The following UMOD variants were observed in gnomAD, a reference collection of about 807,000 sequenced individuals.
UMOD encodes the protein Tamm-Horsfall urinary glycoprotein.
A neutral mutation model predicts 66.0 loss-of-function variants in UMOD; 64 were observed. The ratio of observed to expected loss-of-function variants is 0.97; its 90% CI spans 0.79 to 1.19. The LOEUF (loss-of-function observed/expected upper bound fraction) is 1.19, where lower values mean the gene tolerates loss of function less well. UMOD is among the 50% of genes most tolerant of loss of function. The probability of loss-of-function intolerance (pLI) is 0.00; values close to 1 mark genes in which losing one functional copy is unlikely to be tolerated. For synonymous variants in UMOD, 398 were observed against 352.7 expected (o/e 1.13, Z -1.44); for missense variants, 764 against 850.9 (o/e 0.90, Z 1.27).
In UMOD at chr16:20,333,166, G is replaced by T; in HGVS notation, c.*148C>A. 5 of 844,410 alleles carry T rather than the reference G, an allele frequency of 5.9e-6. No homozygotes were observed. Among genetic ancestry groups the T allele is most frequent in the South Asian group, 1.5e-5 (1 of 68,650 alleles). 52.3% of individuals were successfully genotyped at this position (844,410 alleles called of 1,614,324 possible). A position where few individuals can be genotyped will look rare whatever the true frequency, so the allele number is the denominator to read the frequency against. ...CATTTAAAGACACAGGCTGTTTCTC[G>T]ACAGCCAGGATTAAAAGGGAGAAAA... is the stretch of plus-strand genomic sequence containing the variant. On this transcript the variant is annotated 3_prime_UTR_variant, in exon 11 of 11. Coordinates refer to ENST00000396138, the MANE Select transcript of UMOD (RefSeq NM_003361.4).
At chr16:20,340,995 A>C (rs1483269521) in intron 7 of UMOD, 96 bp downstream of exon 7, 2 of 1,141,344 alleles carry the variant, frequency 1.8e-6, no homozygotes, top group African/African-American at 1.6e-5. Context: ...CTCTGTCAAA[A>C]AAAAAAAAAA....
chr16:20,344,289 T>C (rs1288127437), intron 5 of UMOD, 117 bp from the exon 6 acceptor site: 2 of 999,500 alleles, frequency 2.0e-6, no homozygotes, highest in South Asian at 1.4e-5. Flanking sequence ...TGTGAGCCGC[T>C]CTCCTAGTCT....
intron 2 of UMOD, 95 bp downstream of exon 2, chr16:20,350,555 A>G: frequency 1.4e-6 from 2 of 1,469,048 alleles, no homozygotes. Context: ...AGGAGGATTG[A>G]GATCACCTCT....
chr16:20,355,959 AC>A (rs1334665713), upstream of UMOD, among the ~76,000 whole-genome samples: 1 of 152,218 alleles, frequency 6.6e-6, no homozygotes, highest in Non-Finnish European at 1.5e-5. Context: ...ACTCAGATTT[AC>A]CTGCATTCCT....
chr16:20,338,661 T>G (rs1965016212), intron 7 of UMOD, among the ~76,000 whole-genome samples: 1 of 151,712 alleles, frequency 6.6e-6, no homozygotes, highest in Non-Finnish European at 1.5e-5. Flanking sequence ...GCCTGGCTAA[T>G]TCTTGTATTT....
intron 5 of UMOD, among the ~76,000 whole-genome samples, chr16:20,345,502 C>CCCTCCCTTCCTCCCTT (rs1338369108): frequency 1.1e-4 from 6 of 53,052 alleles, no homozygotes; most frequent in African/African-American, 4.9e-4. Flanking sequence ...CTCCCTCCCT[C>CCCTCCCTTCCTCCCTT]CCTTCCTTCC....
In UMOD at chr16:20,346,258, CTT is replaced by C. The variant is rs1965581004; in HGVS notation, c.1048_1049del (p.Lys350GlufsTer13). 2 of 1,614,158 alleles carry C rather than the reference CTT, an allele frequency of 1.2e-6. No homozygotes were observed. The highest frequency in any genetic ancestry group is 1.7e-6 in the Non-Finnish European group (2 of 1,180,064). Reference sequence around the variant, plus strand: ...TGAAGACCTTGTCGAAGCCCAGACTCTTCAGCTGGCACTTGCCCAGCGACACC... The same window carrying C: ...TGAAGACCTTGTCGAAGCCCAGACTCCAGCTGGCACTTGCCCAGCGACACC... ...MKVSLGKCQL[K>X]SLGFDKVFMY... On this transcript the variant is annotated frameshift_variant, in exon 5 of 11. Transcript: ENST00000396138. LOFTEE classifies it high-confidence loss of function.
upstream of UMOD, among the ~76,000 whole-genome samples, chr16:20,355,205 T>A (rs1012858781): frequency 6.6e-6 from 1 of 152,142 alleles, no homozygotes; most frequent in Non-Finnish European, 1.5e-5. Flanking sequence ...TCTGTGAGTA[T>A]AACAAGTTGT....
intron 1 of UMOD, among the ~76,000 whole-genome samples, chr16:20,352,021 C>CCA (rs1491517884): frequency 1.2e-4 from 15 of 122,990 alleles, no homozygotes; most frequent in East Asian, 6.9e-4. Flanking sequence ...CCCCCCCCCC[C>CCA]AAAAAAAAAA....
intron 1 of UMOD, among the ~76,000 whole-genome samples, chr16:20,352,017 C>G (rs151007505): frequency 4.3e-5 from 6 of 141,010 alleles, no homozygotes; most frequent in Admixed American, 2.1e-4. Flanking sequence ...CCATCCCCCC[C>G]CCCCAAAAAA....
chr16:20,336,696 C>T lies in UMOD; in HGVS notation c.1772G>A (p.Ser591Asn), dbSNP rs138994270. 1.2e-6 allele frequency: 2 copies of T among 1,614,174 alleles called. No homozygotes were observed. The highest frequency in any genetic ancestry group is 2.7e-5 in the African/African-American group (2 of 75,060). Residue 591 changes from serine to asparagine, a missense_variant, in exon 9 of 11, where the codon AGT becomes AAT. By Grantham distance (46) the Ser-to-Asn change is conservative. Coordinates refer to ENST00000396138, the MANE Select transcript of UMOD (RefSeq NM_003361.4). ...TCSGTRFRSG[S>N]VIDQSRVLNL... ...CAGGACACGGGATTGATCTATGACACTCCCACTTCGGAATCTGGTCCCAGA... is the reference window on the plus strand; with the variant it reads ...CAGGACACGGGATTGATCTATGACATTCCCACTTCGGAATCTGGTCCCAGA...
At chr16:20,345,506 T>TTCCCTCCCTCCCTCCCTC (rs1965526894) in intron 5 of UMOD, among the ~76,000 whole-genome samples, 1 of 29,514 alleles carries the variant, frequency 3.4e-5, no homozygotes, top group Non-Finnish European at 7.0e-5. Context: ...CTCCCTCCCT[T>TTCCCTCCCTCCCTCCCTC]CCTTCCTTCC....
rs577397382 is a variant in UMOD, at chr16:20,338,694, A to G, written c.1578-1241T>C. On this transcript the variant is annotated intron_variant, in intron 7 of 10. Coordinates refer to ENST00000396138, the MANE Select transcript of UMOD (RefSeq NM_003361.4). ...TTTTTAGTACAGACAGGGTTTCACCATGTTGACCAGGCTGGTCTCGAACTC... is the reference window on the plus strand; with the variant it reads ...TTTTTAGTACAGACAGGGTTTCACCGTGTTGACCAGGCTGGTCTCGAACTC... Among the ~76,000 whole-genome samples the G allele has an allele frequency of 5.9e-4, 89 of 152,052 alleles. 1 individual carries two copies. Among genetic ancestry groups the G allele is most frequent in the African/African-American group, 2.0e-3 (83 of 41,458 alleles).
intron 8 of UMOD, 51 bp from the exon 9 acceptor site, chr16:20,336,778 T>C (rs1964897893): frequency 2.6e-6 from 4 of 1,563,918 alleles, no homozygotes; most frequent in Non-Finnish European, 3.5e-6. Context: ...AGCCTGAATG[T>C]GGTTCTGCCA....
At chr16:20,343,919 C>T in intron 6 of UMOD, 105 bp downstream of exon 6, 1 of 1,408,786 alleles carries the variant, frequency 7.1e-7, no homozygotes, top group East Asian at 2.3e-5. Context: ...GATTCCCAGC[C>T]CTCACTCCCA....
chr16:20,342,123 T>C (rs946974465), intron 6 of UMOD, among the ~76,000 whole-genome samples: 4 of 152,158 alleles, frequency 2.6e-5, no homozygotes, highest in Non-Finnish European at 5.9e-5. Context: ...CGCAGGAGGA[T>C]CATTTGAGGC....
upstream of UMOD, among the ~76,000 whole-genome samples, chr16:20,355,575 C>G (rs939707830): frequency 4.1e-5 from 6 of 147,826 alleles, no homozygotes; most frequent in African/African-American, 7.9e-5. Context: ...CCACCATGCC[C>G]GGCTAATTTG....
chr16:20,349,309 A>G, intron 2 of UMOD, 97 bp from the exon 3 acceptor site: 1 of 1,393,148 alleles, frequency 7.2e-7, no homozygotes, highest in Middle Eastern at 2.4e-4. Context: ...ATTATTTTTA[A>G]GACTTATTCC....
chr16:20,335,039 G>A (rs1189506389), intron 10 of UMOD, among the ~76,000 whole-genome samples: 2 of 151,934 alleles, frequency 1.3e-5, no homozygotes, highest in Non-Finnish European at 2.9e-5. Flanking sequence ...TGTTGGCCAC[G>A]ATGGTCTCAA....
Sources: gnomAD v4.1 joint callset for allele counts (sites outside exome capture counted in the v4.1 genomes callset) on GRCh38, gnomAD v4.1.1 for gene constraint, MANE v1.5 for transcripts, NCBI Gene and HGNC (gene_info 2026-07-23, HGNC 2026-07-21) for gene names.